CCDC57: variants seen among roughly 807,000 people sequenced by gnomAD.
CCDC57 encodes the protein coiled-coil domain containing 57, also known as coiled-coil domain-containing protein 57.
In CCDC57, 118 loss-of-function variants were observed where a neutral mutation model predicts 118.9. The ratio of observed to expected loss-of-function variants is 0.99; its 90% CI spans 0.86 to 1.16. The LOEUF (loss-of-function observed/expected upper bound fraction) is 1.16. Among genes scored for constraint, CCDC57 ranks in the 50% most tolerant of loss-of-function variants. CCDC57 has a pLI of 0.00. For synonymous variants in CCDC57, 527 were observed against 532.9 expected, an observed-to-expected ratio of 0.99 and a Z score of 0.15; for missense variants, 1,300 against 1,320.7, an observed-to-expected ratio of 0.98 and a Z score of 0.24.
At chr17:82,189,771 C>T (rs932706620) in intron 7 of CCDC57, among the ~76,000 whole-genome samples, 74 of 151,762 alleles carry the variant, frequency 4.9e-4, no homozygotes, top group Non-Finnish European at 5.9e-5. Context: ...GAGAATTGCT[C>T]GAACCCGGGA....
intron 13 of CCDC57, among the ~76,000 whole-genome samples, chr17:82,164,329 C>T (rs2043721341): frequency 6.6e-6 from 1 of 151,644 alleles, no homozygotes. Flanking sequence ...GGCAGTGAGC[C>T]AAGATTGTGC....
intron 14 of CCDC57, 72 bp downstream of exon 13, chr17:82,163,128 G>A (rs1362453445): frequency 3.8e-5 from 59 of 1,561,830 alleles, no homozygotes; most frequent in East Asian, 2.0e-4. Context: ...CCGGGCAGCC[G>A]CTCAGAGCCC....
chr17:82,192,143 G>A lies in CCDC57; in HGVS notation c.851+1613C>T, dbSNP rs1020198214. Among the ~76,000 whole-genome samples the A allele has an allele frequency of 4.6e-5, 7 of 151,988 alleles. No homozygotes were observed. Among genetic ancestry groups the A allele is most frequent in the South Asian group, 2.1e-4 (1 of 4,810 alleles). On this transcript the variant is annotated intron_variant, in intron 7 of 19. Coordinates refer to ENST00000665763, the Ensembl canonical transcript of CCDC57. This position sits in a 1 kb window ranked among gnomAD's most constrained non-coding sequence, Gnocchi z 4.0. ...TGGGATTACAGGCGTGCACCACCAC[G>A]CCCGGCTAATTTTGTATTTTTCGTA...
At chr17:82,113,709 G>T (rs1157478585) in intron 19 of CCDC57, 9 of 711,770 alleles carry the variant, frequency 1.3e-5, no homozygotes, top group Non-Finnish European at 2.3e-5. Flanking sequence ...AAGGCGGCAG[G>T]ACTGCTTGAG....
At chr17:82,125,876 A>G (rs1042776716) in intron 19 of CCDC57, among the ~76,000 whole-genome samples, 1 of 152,186 alleles carries the variant, frequency 6.6e-6, no homozygotes, top group Non-Finnish European at 1.5e-5. Context: ...GTCCGGATAT[A>G]GCTCCAAAAG....
chr17:82,170,020 T>C lies in CCDC57; in HGVS notation c.1882+1681A>G, dbSNP rs577269896. 1.8e-4 allele frequency among the ~76,000 whole-genome samples: 28 copies of C among 152,206 alleles called. 1 individual carries two copies. In the East Asian group the frequency reaches 4.1e-3, roughly 22 times the overall value. ...AAAGGGCAGATGATCCAATAAACAA[T>C]GGGCAAAAGACATGGCCTGGAGCTC... On this transcript the variant is annotated intron_variant, in intron 13 of 19. Transcript: ENST00000665763.
intron 16 of CCDC57, among the ~76,000 whole-genome samples, chr17:82,142,146 T>C (rs1437445031): frequency 1.3e-5 from 2 of 152,200 alleles, no homozygotes; most frequent in South Asian, 2.1e-4. Flanking sequence ...TTTTTCATAT[T>C]TGGGAGCCAC....
At chr17:82,115,293 G>C (rs2035727928) in intron 19 of CCDC57, among the ~76,000 whole-genome samples, 1 of 146,482 alleles carries the variant, frequency 6.8e-6, no homozygotes. Flanking sequence ...GGGGCAAGAG[G>C]GGGCAAGAGG....
exon 10 of CCDC57, chr17:82,179,090 A>G (rs1480895007): frequency 1.2e-6 from 2 of 1,613,926 alleles, no homozygotes; most frequent in East Asian, 4.5e-5. Context: ...GGTCCCTTTC[A>G]ATGTCATCAC....
At position 82,104,608 on chromosome 17, in the gene CCDC57, A is replaced by G. The variant is rs372238501; in HGVS notation, c.2900-2742T>C. Reference sequence around the variant, plus strand: ...GGCTGGAGTGCAGTGGCGTGATCTCAGCTCACTGCAAGCTCCGCCTCCCGG... The same window carrying G: ...GGCTGGAGTGCAGTGGCGTGATCTCGGCTCACTGCAAGCTCCGCCTCCCGG... On this transcript the variant is annotated intron_variant, in intron 19 of 19. Coordinates refer to ENST00000665763, the Ensembl canonical transcript of CCDC57. 1.2e-3 allele frequency among the ~76,000 whole-genome samples: 184 copies of G among 152,172 alleles called. 2 individuals carry two copies. Among genetic ancestry groups the G allele is most frequent in the African/African-American group, 4.1e-3 (169 of 41,506 alleles).
intron 11 of CCDC57, among the ~76,000 whole-genome samples, chr17:82,176,548 T>C (rs1419625097): frequency 6.6e-6 from 1 of 152,164 alleles, no homozygotes; most frequent in Non-Finnish European, 1.5e-5. Context: ...ACCTGCTTCT[T>C]TACTTGATTA....
At chr17:82,152,637 A>C (rs2042196554) in intron 15 of CCDC57, among the ~76,000 whole-genome samples, 1 of 152,234 alleles carries the variant, frequency 6.6e-6, no homozygotes, top group South Asian at 2.1e-4. Flanking sequence ...GGCCCTGGCA[A>C]GACGGGAGCC....
At chr17:82,151,587 G>A in exon 16 of CCDC57, 2 of 1,550,360 alleles carry the variant, frequency 1.3e-6, no homozygotes, top group Non-Finnish European at 1.7e-6. Context: ...TCTGCACGGA[G>A]CCTGTTCCCC....
At chr17:82,124,341 G>C (rs1403539084) in intron 19 of CCDC57, among the ~76,000 whole-genome samples, 1 of 152,338 alleles carries the variant, frequency 6.6e-6, no homozygotes, top group Middle Eastern at 3.4e-3. Context: ...GTGGGGAAAG[G>C]GAAGAGAGAA....
intron 19 of CCDC57, chr17:82,113,224 G>A (rs537870239): frequency 1.2e-5 from 7 of 602,396 alleles, no homozygotes; most frequent in East Asian, 5.5e-5. Context: ...CAGTGAAGGC[G>A]GGGGGCTGGG....
Position 82,193,833 on chromosome 17 carries a change from G to T in CCDC57, c.777-3C>A. On this transcript the variant is annotated splice_polypyrimidine_tract_variant and splice_region_variant and intron_variant, in intron 6 of 19. Coordinates refer to ENST00000665763, the Ensembl canonical transcript of CCDC57. ...GTTTATCCTCTAAATCCTTTACCCT[G>T]AAAAGAAACAAATATTTATGGAAGG... 1 of 1,590,586 alleles carries T rather than the reference G, an allele frequency of 6.3e-7. No homozygotes were observed. The highest frequency in any genetic ancestry group is 8.6e-7 in the Non-Finnish European group (1 of 1,167,284).
At chr17:82,117,900 T>C (rs991479741) in intron 19 of CCDC57, among the ~76,000 whole-genome samples, 1 of 152,108 alleles carries the variant, frequency 6.6e-6, no homozygotes, top group Admixed American at 6.5e-5. Context: ...TGACCAGCTA[T>C]TTCCCTTCTG....
At chr17:82,188,190 C>G in intron 8 of CCDC57, 29 bp downstream of exon 7, 1 of 1,522,436 alleles carries the variant, frequency 6.6e-7, no homozygotes, top group African/African-American at 1.4e-5. Context: ...CTGCCCTCAC[C>G]CTCTGGGTGG....
intron 16 of CCDC57, 73 bp from the exon 16 acceptor site, chr17:82,134,267 A>G: frequency 4.0e-6 from 5 of 1,246,400 alleles, no homozygotes; most frequent in Non-Finnish European, 5.1e-6. Context: ...GAATGCAAAC[A>G]CTCAGAAAGA....
Sources: allele counts gnomAD v4.1 joint callset (sites outside exome capture counted in the v4.1 genomes callset), GRCh38; gene constraint gnomAD v4.1.1; non-coding constraint Gnocchi (gnomAD v3.1); transcripts MANE v1.5; gene names NCBI Gene and HGNC (gene_info 2026-07-23, HGNC 2026-07-21).